ATP10D: variants seen among roughly 807,000 people sequenced by gnomAD.
The protein encoded by ATP10D is ATPase phospholipid transporting 10D (putative).
Under a neutral mutation model 144.8 loss-of-function variants are expected in ATP10D, and 89 were observed. That is an observed-to-expected ratio of 0.61 (90% confidence interval 0.52 to 0.73). The LOEUF (loss-of-function observed/expected upper bound fraction) is 0.73, where lower values mean the gene tolerates loss of function less well. ATP10D is among the 30% of genes least tolerant of loss of function. The pLI is 0.00. For missense variants in ATP10D, 1,603 were observed against 1,714.8 expected, an observed-to-expected ratio of 0.93 and a Z score of 1.15; for synonymous variants, 571 against 615.1, an observed-to-expected ratio of 0.93 and a Z score of 1.06.
intron 16 of ATP10D, among the ~76,000 whole-genome samples, chr4:47,571,133 G>A (rs981660669): frequency 1.3e-5 from 2 of 151,810 alleles, no homozygotes; most frequent in African/African-American, 2.4e-5. Context: ...GGATTAAGGT[G>A]GAATTTTGTT....
intron 9 of ATP10D, among the ~76,000 whole-genome samples, chr4:47,538,799 C>T (rs1418858685): frequency 6.6e-6 from 1 of 152,200 alleles, no homozygotes; most frequent in Non-Finnish European, 1.5e-5. Context: ...TCCTGCCAAA[C>T]AGCCTCACAA....
At position 47,591,439 on chromosome 4, in the gene ATP10D, G is replaced by A; in HGVS notation, c.*58G>A. ...AGGTTGGAAGAGGGATTTTGAAGAG[G>A]TATCTCTCCAAGCAAGAATGACTTG... On this transcript the variant is annotated 3_prime_UTR_variant, in exon 23 of 23. Transcript: ENST00000273859. 7.1e-7 allele frequency: 1 copy of A among 1,407,460 alleles called. No homozygotes were observed. The highest frequency in any genetic ancestry group is 9.7e-7 in the Non-Finnish European group (1 of 1,035,044). 87.2% of individuals were successfully genotyped at this position (1,407,460 alleles called of 1,614,324 possible). A position where few individuals can be genotyped will look rare whatever the true frequency, so the allele number is the denominator to read the frequency against.
rs150390133 is a variant in ATP10D, at chr4:47,557,747, A to T, written c.1908A>T (p.Arg636Ser). ...TTTTCCAGAGATGGTCTGTCCGAAG[A>T]TCAAGTTCTCCATCGCTTAACAGTG... The part of the protein sequence containing the change: ...KSLFQRWSVR[R>S]SSSPSLNSGK... The change falls in exon 12 of 23, where the codon AGA becomes AGT. Residue 636 changes from arginine to serine, a missense_variant. Transcript: ENST00000273859. The T allele has an allele frequency of 6.2e-6, 10 of 1,614,216 alleles. No homozygotes were observed. In the African/African-American group the frequency reaches 1.2e-4, roughly 19 times the overall value.
In ATP10D at chr4:47,591,485, G is replaced by A; in HGVS notation, c.*104G>A. On this transcript the variant is annotated 3_prime_UTR_variant, in exon 23 of 23. Coordinates refer to ENST00000273859, the MANE Select transcript of ATP10D (RefSeq NM_020453.4). ...ACTTGTTTTTCCATAAGGGACATGA[G>A]CATTTTACTAGGCTTGGAAGAGCTG... 1.1e-6 allele frequency: 1 copy of A among 952,068 alleles called. No individual in the cohort carries two copies. The highest frequency in any genetic ancestry group is 1.6e-6 in the Non-Finnish European group (1 of 644,628). 59.0% of individuals were successfully genotyped at this position (952,068 alleles called of 1,614,324 possible). A position where few individuals can be genotyped will look rare whatever the true frequency, so the allele number is the denominator to read the frequency against.
chr4:47,544,865 G>A (rs150193639), intron 9 of ATP10D, among the ~76,000 whole-genome samples: 21 of 152,228 alleles, frequency 1.4e-4, no homozygotes, highest in African/African-American at 4.6e-4. Flanking sequence ...CCTATTTATC[G>A]ATGGTCTATA....
intron 5 of ATP10D, among the ~76,000 whole-genome samples, chr4:47,526,546 G>A (rs75041610): frequency 0.086 from 13,064 of 152,148 alleles, 774 homozygotes; most frequent in Non-Finnish European, 0.13. Context: ...GGCAAGAAAA[G>A]GAAATGAAAG....
intron 1 of ATP10D, among the ~76,000 whole-genome samples, chr4:47,497,237 C>T (rs887692983): frequency 1.3e-5 from 2 of 152,136 alleles, no homozygotes; most frequent in Non-Finnish European, 2.9e-5. Flanking sequence ...GGGCAGATTG[C>T]CTGAAGTCAG....
intron 18 of ATP10D, among the ~76,000 whole-genome samples, chr4:47,573,573 G>A (rs968298140): frequency 6.6e-5 from 10 of 152,162 alleles, no homozygotes; most frequent in Non-Finnish European, 1.0e-4. Flanking sequence ...ATTCCTAAAA[G>A]GGCAGAATTT....
chr4:47,502,643 ATATG>A (rs989146797), intron 1 of ATP10D, among the ~76,000 whole-genome samples: 7 of 148,322 alleles, frequency 4.7e-5, no homozygotes, highest in South Asian at 2.1e-4. Flanking sequence ...TGTATATAAT[ATATG>A]TATGTATGTA....
chr4:47,524,794 AT>A (rs1370867871), intron 4 of ATP10D, among the ~76,000 whole-genome samples: 1 of 152,222 alleles, frequency 6.6e-6, no homozygotes, highest in Non-Finnish European at 1.5e-5. Flanking sequence ...TGCATAATAG[AT>A]TTTAGTGCGT....
At chr4:47,526,518 G>C (rs62297975) in intron 5 of ATP10D, among the ~76,000 whole-genome samples, 2 of 152,152 alleles carry the variant, frequency 1.3e-5, no homozygotes, top group Non-Finnish European at 2.9e-5. Context: ...ACACTGGAAG[G>C]TCTAGCTAGT....
rs187331154 is a variant in ATP10D, at chr4:47,537,066, A to T, written c.1396+128A>T. 905 of 1,111,840 alleles carry T rather than the reference A, an allele frequency of 8.1e-4. 4 individuals carry two copies. The African/African-American group carries it at 0.013, about 16-fold the overall frequency. 68.9% of individuals were successfully genotyped at this position (1,111,840 alleles called of 1,614,324 possible). On this transcript the variant is annotated intron_variant, in intron 9 of 22. Transcript: ENST00000273859. ...TAATCATTGAGTACTTAATGCTTCC[A>T]GATGGCCTTTAAACTTCATTGTTGT...
chr4:47,557,568 A>G, intron 11 of ATP10D, 96 bp from the exon 12 acceptor site: 1 of 1,272,070 alleles, frequency 7.9e-7, no homozygotes, highest in Non-Finnish European at 1.1e-6. Flanking sequence ...AGTGAGTGGT[A>G]ACTCTTTTTA....
intron 3 of ATP10D, 40 bp downstream of exon 3, chr4:47,515,710 T>C (rs376785558): frequency 1.4e-6 from 2 of 1,455,588 alleles, no homozygotes; most frequent in South Asian, 1.2e-5. Flanking sequence ...TATGTATGTA[T>C]CATTGAGAAA....
intron 14 of ATP10D, among the ~76,000 whole-genome samples, chr4:47,561,413 A>G (rs973678110): frequency 6.6e-6 from 1 of 152,218 alleles, no homozygotes; most frequent in South Asian, 2.1e-4. Flanking sequence ...CAGGCATTGG[A>G]TAAGGTGCTT....
rs3811829 is a variant in ATP10D, at chr4:47,592,203, G to A, written c.*822G>A. On this transcript the variant is annotated 3_prime_UTR_variant, in exon 23 of 23. Coordinates refer to ENST00000273859, the MANE Select transcript of ATP10D (RefSeq NM_020453.4). ...CAGGCAGACATCAGCTCAGCCTGTG[G>A]CCCATTGGGTGATTTCCTGTATTTT... 0.16 allele frequency: 24,259 copies of A among 152,498 alleles called. 2,472 individuals are homozygous for A. Among genetic ancestry groups the A allele is most frequent in the Admixed American group, 0.25 (3,791 of 15,242 alleles). The allele number at this position is 152,498 out of a possible 1,614,324, so 9.4% of individuals were successfully genotyped here. A position where few individuals can be genotyped will look rare whatever the true frequency, so the allele number is the denominator to read the frequency against.
At chr4:47,525,780 G>T in intron 5 of ATP10D, 138 bp downstream of exon 5, 1 of 649,104 alleles carries the variant, frequency 1.5e-6, no homozygotes, top group South Asian at 2.1e-5. Flanking sequence ...TACTAAAATA[G>T]TTTGGCTTAT....
At chr4:47,488,847 A>G (rs1714918008) in intron 1 of ATP10D, among the ~76,000 whole-genome samples, 2 of 152,332 alleles carry the variant, frequency 1.3e-5, no homozygotes, top group South Asian at 2.1e-4. Flanking sequence ...TAGTGCCCTC[A>G]TAAAAGAGGC....
At chr4:47,525,777 A>G (rs753095187) in intron 5 of ATP10D, 135 bp downstream of exon 5, 134 of 660,810 alleles carry the variant, frequency 2.0e-4, no homozygotes, top group Non-Finnish European at 3.2e-4. Context: ...ACCTACTAAA[A>G]TAGTTTGGCT....
Sources: allele counts gnomAD v4.1 joint callset (sites outside exome capture counted in the v4.1 genomes callset), GRCh38; gene constraint gnomAD v4.1.1; transcripts MANE v1.5; gene names NCBI Gene and HGNC (gene_info 2026-07-23, HGNC 2026-07-21).